GRM7: variants seen among roughly 807,000 people sequenced by gnomAD.
GRM7 encodes the protein metabotropic glutamate receptor 7.
GRM7 carries 35 observed loss-of-function variants against 84.5 expected under a neutral mutation model. The ratio of observed to expected loss-of-function variants is 0.41; its 90% CI spans 0.32 to 0.55. GRM7 has a LOEUF of 0.55. Among genes scored for constraint, GRM7 ranks in the 20% least tolerant of loss-of-function variants. The probability of loss-of-function intolerance (pLI) is 0.19; values close to 1 mark genes in which losing one functional copy is unlikely to be tolerated. For missense variants in GRM7, 1,003 were observed against 1,194.6 expected, an observed-to-expected ratio of 0.84 and a Z score of 2.36; for synonymous variants, 487 against 455.1, an observed-to-expected ratio of 1.07 and a Z score of -0.89.
chr3:7,356,038 C>A (rs1407404315), intron 4 of GRM7, among the ~76,000 whole-genome samples: 2 of 152,084 alleles, frequency 1.3e-5, no homozygotes, highest in African/African-American at 4.8e-5. Context: ...TCCCCATAGG[C>A]AGAACTTCAG....
intron 4 of GRM7, among the ~76,000 whole-genome samples, chr3:7,401,482 A>T (rs1695447972): frequency 6.6e-6 from 1 of 152,026 alleles, no homozygotes; most frequent in Non-Finnish European, 1.5e-5. Context: ...AGCATGAAGT[A>T]CTCCTACTAA....
intron 7 of GRM7, among the ~76,000 whole-genome samples, chr3:7,468,565 A>G (rs1698556410): frequency 6.6e-6 from 1 of 152,326 alleles, no homozygotes; most frequent in African/African-American, 2.4e-5. Context: ...AACAAAAATA[A>G]CAATAATTTC....
chr3:7,402,398 T>C (rs148690291), intron 4 of GRM7, among the ~76,000 whole-genome samples: 3 of 152,224 alleles, frequency 2.0e-5, no homozygotes, highest in Non-Finnish European at 4.4e-5. Context: ...CCTAATGCAA[T>C]GTCTCCCTCT....
At chr3:7,272,474 T>C (rs1400762050) in intron 2 of GRM7, among the ~76,000 whole-genome samples, 1 of 152,196 alleles carries the variant, frequency 6.6e-6, no homozygotes, top group Non-Finnish European at 1.5e-5. Context: ...GGTAAACCCA[T>C]CTAGGCTTGG....
rs143567592 is a variant in GRM7 at position 7,178,524 on chromosome 3, C to A, written c.736+31856C>A. On this transcript the variant is annotated intron_variant, in intron 2 of 9. Transcript: ENST00000357716. ...GCACACCTCAGCTCACCTCTAATTT[C>A]TGTCTTCTAAGCTGTTTGGTTTGTA... 6.6e-5 allele frequency among the ~76,000 whole-genome samples: 10 copies of A among 152,202 alleles called. No homozygotes were observed. In the East Asian group the frequency reaches 1.9e-3, roughly 30 times the overall value.
chr3:7,553,770 C>T (rs1162556607), intron 7 of GRM7, among the ~76,000 whole-genome samples: 1 of 152,168 alleles, frequency 6.6e-6, no homozygotes, highest in Non-Finnish European at 1.5e-5. Context: ...CACCTGGTCT[C>T]TCCCTTGACA....
chr3:7,198,487 C>T (rs1395862486), intron 2 of GRM7, among the ~76,000 whole-genome samples: 1 of 152,140 alleles, frequency 6.6e-6, no homozygotes, highest in Non-Finnish European at 1.5e-5. Flanking sequence ...TGCTCCTTGA[C>T]TTATAATGGG....
chr3:6,944,607 TC>T (rs1280374225), intron 1 of GRM7, among the ~76,000 whole-genome samples: 1 of 152,186 alleles, frequency 6.6e-6, no homozygotes, highest in Non-Finnish European at 1.5e-5. Flanking sequence ...GCATATGTAT[TC>T]CTGAGAGGTA....
At chr3:6,988,716 T>C (rs1046064849) in intron 1 of GRM7, among the ~76,000 whole-genome samples, 1 of 152,216 alleles carries the variant, frequency 6.6e-6, no homozygotes, top group African/African-American at 2.4e-5. Context: ...TTTGCAAATA[T>C]TCAGAAGAAC....
intron 8 of GRM7, among the ~76,000 whole-genome samples, chr3:7,646,353 G>T (rs999582937): frequency 6.6e-6 from 1 of 151,906 alleles, no homozygotes; most frequent in Non-Finnish European, 1.5e-5. Context: ...CACCACACTC[G>T]GCTAATTTTT....
chr3:7,737,973 G>C (rs1489286415), intron 9 of GRM7, among the ~76,000 whole-genome samples: 1 of 151,282 alleles, frequency 6.6e-6, no homozygotes, highest in Non-Finnish European at 1.5e-5. Flanking sequence ...TCAGCCTCCC[G>C]AGTAGCTGGG....
intron 1 of GRM7, among the ~76,000 whole-genome samples, chr3:6,889,938 A>G (rs555239793): frequency 1.3e-5 from 2 of 152,120 alleles, no homozygotes; most frequent in Non-Finnish European, 2.9e-5. Context: ...CAGAGATTCA[A>G]CTTCTTCCTG....
intron 2 of GRM7, among the ~76,000 whole-genome samples, chr3:7,180,834 T>C (rs1428692466): frequency 6.6e-6 from 1 of 152,190 alleles, no homozygotes; most frequent in Non-Finnish European, 1.5e-5. Context: ...CTTTTGTTCC[T>C]ACTTTTTATT....
intron 1 of GRM7, among the ~76,000 whole-genome samples, chr3:7,043,392 C>T (rs888241147): frequency 6.6e-6 from 1 of 152,288 alleles, no homozygotes; most frequent in African/African-American, 2.4e-5. Context: ...ACCTGCATTT[C>T]CTCTTTGTGT....
At chr3:7,081,185 T>C (rs778556520) in intron 1 of GRM7, among the ~76,000 whole-genome samples, 1 of 152,064 alleles carries the variant, frequency 6.6e-6, no homozygotes, top group Non-Finnish European at 1.5e-5. Context: ...ATTTTTCAGA[T>C]ACTGTTTTTT....
chr3:7,462,735 A>G (rs1698301460), intron 7 of GRM7, among the ~76,000 whole-genome samples: 2 of 152,158 alleles, frequency 1.3e-5, no homozygotes, highest in South Asian at 4.1e-4. Flanking sequence ...ACAGAGCCTT[A>G]GCCTAGATCT....
intron 7 of GRM7, among the ~76,000 whole-genome samples, chr3:7,512,151 TAAA>T (rs907864278): frequency 5.9e-5 from 9 of 151,588 alleles, no homozygotes; most frequent in Admixed American, 2.0e-4. Context: ...TCTCTGGAAA[TAAA>T]AAAGAAAAGA....
At chr3:7,075,069 A>C (rs1409623037) in intron 1 of GRM7, among the ~76,000 whole-genome samples, 1 of 152,208 alleles carries the variant, frequency 6.6e-6, no homozygotes, top group African/African-American at 2.4e-5. Context: ...CAGTTCTAGA[A>C]TAAAGAGGCA....
intron 8 of GRM7, among the ~76,000 whole-genome samples, chr3:7,649,190 C>T (rs1220458891): frequency 6.6e-6 from 1 of 152,062 alleles, no homozygotes; most frequent in Non-Finnish European, 1.5e-5. Context: ...CTGCCTCAGC[C>T]TCCCGAGTAG....
Sources: allele counts gnomAD v4.1 joint callset (sites outside exome capture counted in the v4.1 genomes callset), GRCh38; gene constraint gnomAD v4.1.1; transcripts MANE v1.5; gene names NCBI Gene and HGNC (gene_info 2026-07-23, HGNC 2026-07-21).